STK32B: variants seen among roughly 807,000 people sequenced by gnomAD.
STK32B encodes serine/threonine kinase 32B.
In STK32B, 43 loss-of-function variants were observed where a neutral mutation model predicts 52.6. The ratio of observed to expected loss-of-function variants is 0.82; its 90% CI spans 0.64 to 1.05. STK32B has a LOEUF of 1.05. Among genes scored for constraint, STK32B ranks in the 50% least tolerant of loss-of-function variants. The pLI is 0.00. For missense variants in STK32B, 621 were observed against 534.6 expected (o/e 1.16, Z -1.59); for synonymous variants, 238 against 204.3 (o/e 1.17, Z -1.41).
rs145394748 is a variant in STK32B at position 5,214,238 on chromosome 4, C to G, written c.260+45788C>G. ...AGTGTGTAGTGCTTCCTCCTTGGTT[C>G]TCTCTCCCCTGCTGCCATGTGTAAA... On this transcript the variant is annotated intron_variant, in intron 3 of 11. Coordinates refer to ENST00000282908, the MANE Select transcript of STK32B (RefSeq NM_018401.3). 1.3e-5 allele frequency: 2 copies of G among 152,344 alleles called. 1 individual carries two copies. The highest frequency in any genetic ancestry group is 2.9e-5 in the Non-Finnish European group (2 of 68,080). The allele number at this position is 152,344 out of a possible 1,614,324, so 9.4% of individuals were successfully genotyped here.
Position 5,423,208 on chromosome 4 carries a change from C to T in STK32B, c.562+6274C>T, listed in dbSNP as rs28564954. On this transcript the variant is annotated intron_variant, in intron 6 of 11. Coordinates refer to ENST00000282908, the MANE Select transcript of STK32B (RefSeq NM_018401.3). ...TAACAGGAAAGCATTAGGGGTCAGG[C>T]TCAAGGGGGATGGTCCAGGTGAAGT... 9.6e-3 allele frequency among the ~76,000 whole-genome samples: 1,466 copies of T among 152,176 alleles called. 24 individuals are homozygous for T. Among genetic ancestry groups the T allele is most frequent in the African/African-American group, 0.033 (1,360 of 41,514 alleles).
intron 3 of STK32B, among the ~76,000 whole-genome samples, chr4:5,268,538 GGTGTGT>G (rs10593272): frequency 0.061 from 8,477 of 140,090 alleles, 283 homozygotes; most frequent in Middle Eastern, 0.11. Flanking sequence ...TGCTTGGTGT[GGTGTGT>G]GTGTGTGTGT....
chr4:5,225,300 G>A (rs563602790), intron 3 of STK32B, among the ~76,000 whole-genome samples: 22 of 152,002 alleles, frequency 1.4e-4, no homozygotes, highest in African/African-American at 4.6e-4. Context: ...CCAGCTACTC[G>A]GGAGGCTGAG....
At chr4:5,191,841 A>G (rs757362271) in intron 3 of STK32B, among the ~76,000 whole-genome samples, 9 of 152,230 alleles carry the variant, frequency 5.9e-5, no homozygotes, top group Non-Finnish European at 1.3e-4. Flanking sequence ...CAGCACATGA[A>G]TGGTTAAAGA....
At chr4:5,375,205 C>T (rs990783619) in intron 4 of STK32B, among the ~76,000 whole-genome samples, 1 of 152,156 alleles carries the variant, frequency 6.6e-6, no homozygotes, top group African/African-American at 2.4e-5. Context: ...GTCCCCCACT[C>T]TGTCTGCTGC....
chr4:5,390,924 T>C (rs1736556243), intron 4 of STK32B, among the ~76,000 whole-genome samples: 1 of 151,792 alleles, frequency 6.6e-6, no homozygotes, highest in Non-Finnish European at 1.5e-5. Flanking sequence ...CCTCTGTCCT[T>C]ATGTGGCCTT....
intron 4 of STK32B, among the ~76,000 whole-genome samples, chr4:5,341,215 A>G (rs2108970023): frequency 6.6e-6 from 1 of 152,318 alleles, no homozygotes; most frequent in African/African-American, 2.4e-5. Flanking sequence ...ATGAGGCAGC[A>G]GGCATTTCTG....
intron 1 of STK32B, among the ~76,000 whole-genome samples, chr4:5,107,823 G>A (rs983281265): frequency 6.6e-6 from 1 of 151,946 alleles, no homozygotes; most frequent in Non-Finnish European, 1.5e-5. Context: ...TAAAATTGAG[G>A]CTCATGTGAA....
chr4:5,093,549 C>A (rs1209324731), intron 1 of STK32B, among the ~76,000 whole-genome samples: 1 of 151,540 alleles, frequency 6.6e-6, no homozygotes, highest in East Asian at 1.9e-4. Context: ...ACATCACACA[C>A]TGGGGCCTGT....
intron 3 of STK32B, among the ~76,000 whole-genome samples, chr4:5,225,667 G>A (rs73081632): frequency 0.022 from 3,307 of 152,178 alleles, 108 homozygotes; most frequent in African/African-American, 0.07. Context: ...CACTTTCTGT[G>A]CCTTGTCCTG....
intron 8 of STK32B, among the ~76,000 whole-genome samples, chr4:5,459,665 G>C (rs952805305): frequency 6.6e-6 from 1 of 152,188 alleles, no homozygotes; most frequent in African/African-American, 2.4e-5. Context: ...ACTTCATTAG[G>C]TCACAGAGAT....
chr4:5,074,729 CT>C (rs1363427513), intron 1 of STK32B, among the ~76,000 whole-genome samples: 4 of 152,074 alleles, frequency 2.6e-5, no homozygotes, highest in Non-Finnish European at 5.9e-5. Flanking sequence ...GATATTGTAT[CT>C]CTCAGTTATG....
chr4:5,147,960 C>G (rs765043460), intron 2 of STK32B, among the ~76,000 whole-genome samples: 5 of 151,858 alleles, frequency 3.3e-5, no homozygotes, highest in Non-Finnish European at 7.4e-5. Flanking sequence ...TCTGAAAGCA[C>G]TTGTGTAAAG....
chr4:5,374,581 G>C (rs189242331), intron 4 of STK32B, among the ~76,000 whole-genome samples: 1 of 152,032 alleles, frequency 6.6e-6, no homozygotes, highest in Admixed American at 6.5e-5. Context: ...GTCTGGCGAG[G>C]GCCTGCTCCC....
At chr4:5,315,861 C>A (rs35707657) in intron 3 of STK32B, among the ~76,000 whole-genome samples, 5 of 150,534 alleles carry the variant, frequency 3.3e-5, no homozygotes, top group African/African-American at 1.2e-4. Context: ...CATGCCACCA[C>A]GCCCAGCTAA....
intron 3 of STK32B, among the ~76,000 whole-genome samples, chr4:5,183,569 A>G (rs1222443554): frequency 2.6e-5 from 4 of 152,180 alleles, no homozygotes; most frequent in Non-Finnish European, 5.9e-5. Context: ...TCTACCTCCA[A>G]TACTTGTACG....
intron 11 of STK32B, 72 bp downstream of exon 11, chr4:5,468,142 C>A: frequency 6.7e-7 from 1 of 1,497,848 alleles, no homozygotes; most frequent in Non-Finnish European, 9.3e-7. Context: ...GGCAGAATCA[C>A]AGTCCCTGCC....
intron 4 of STK32B, among the ~76,000 whole-genome samples, chr4:5,381,235 C>T (rs529160721): frequency 6.6e-6 from 1 of 152,298 alleles, no homozygotes; most frequent in Non-Finnish European, 1.5e-5. Flanking sequence ...CCTTTATCTT[C>T]ATTATTCTTT....
Position 5,295,647 on chromosome 4 carries a change from A to G in STK32B, c.261-35573A>G, listed in dbSNP as rs141815561. Among the ~76,000 whole-genome samples, 539 of 152,160 alleles carry G rather than the reference A, an allele frequency of 3.5e-3. 1 individual carries two copies. Among genetic ancestry groups the G allele is most frequent in the African/African-American group, 0.011 (466 of 41,504 alleles). ...TTCTTTATCATTTTTCATTGTATCT[A>G]TTTGATTCTTCTCTCTTTTCCTCTT... is the stretch of plus-strand genomic sequence containing the variant. On this transcript the variant is annotated intron_variant, in intron 3 of 11. Transcript: ENST00000282908.
Sources: allele counts gnomAD v4.1 joint callset (sites outside exome capture counted in the v4.1 genomes callset), GRCh38; gene constraint gnomAD v4.1.1; transcripts MANE v1.5; gene names NCBI Gene and HGNC (gene_info 2026-07-23, HGNC 2026-07-21).